The following CFAP47 variants were observed in gnomAD, a reference collection of about 807,000 sequenced individuals.
CFAP47 encodes the protein cilia and flagella associated protein 47, also known as cilia- and flagella-associated protein 47.
A neutral mutation model predicts 148.1 loss-of-function variants in CFAP47; 29 were observed. The ratio of observed to expected loss-of-function variants is 0.20; its 90% CI spans 0.15 to 0.27. The LOEUF is 0.27. CFAP47 is among the 10% of genes least tolerant of loss of function. The probability of loss-of-function intolerance (pLI) is 1.00; values close to 1 mark genes in which losing one functional copy is unlikely to be tolerated. For synonymous variants in CFAP47, 664 were observed against 577.3 expected (o/e 1.15, Z -2.15); for missense variants, 1,872 against 1,697.5 (o/e 1.10, Z -1.81).
chrX:36,110,556 T>C (rs1225908841), intron 33 of CFAP47, among the ~76,000 whole-genome samples: 1 of 112,051 alleles, frequency 8.9e-6, no homozygotes, highest in Non-Finnish European at 1.9e-5. Context: ...CCTCCAGCTT[T>C]GTTCTTTTTG....
chrX:35,964,879 C>A (rs1327234177), intron 8 of CFAP47, among the ~76,000 whole-genome samples: 2 of 111,059 alleles, frequency 1.8e-5, no homozygotes, highest in Non-Finnish European at 3.8e-5. Flanking sequence ...TCCTTTAATT[C>A]TTTTGACCTG....
chrX:36,084,086 T>C (rs1214313623), intron 29 of CFAP47, among the ~76,000 whole-genome samples: 1 of 111,148 alleles, frequency 9.0e-6, no homozygotes, highest in Non-Finnish European at 1.9e-5. Flanking sequence ...CATTGATTTC[T>C]TAATTTTATT....
In CFAP47 at chrX:36,251,324, C is replaced by G. The variant is rs1179616160; in HGVS notation, c.7333-9C>G. The stretch of plus-strand genomic sequence containing the variant: ...TACATAATTCTTGTTTCTGAATTAT[C>G]TCTTATAGGTAACTGCAGATCTTCC... On this transcript the variant is annotated splice_polypyrimidine_tract_variant and intron_variant, in intron 48 of 63. Transcript: ENST00000378653. 8.3e-6 allele frequency: 4 copies of G among 482,658 alleles called. No homozygotes were observed. The highest frequency in any genetic ancestry group is 2.4e-5 in the African/African-American group (1 of 41,613). The allele number at this position is 482,658 out of a possible 1,213,427, so 39.8% of individuals were successfully genotyped here. A position where few individuals can be genotyped will look rare whatever the true frequency, so the allele number is the denominator to read the frequency against.
intron 49 of CFAP47, among the ~76,000 whole-genome samples, chrX:36,276,449 T>C (rs1162690220): frequency 8.9e-6 from 1 of 111,891 alleles, no homozygotes; most frequent in Non-Finnish European, 1.9e-5. Flanking sequence ...GGAGTATAAG[T>C]AATTTGAATC....
chrX:36,122,248 G>C (rs564248317), intron 33 of CFAP47, among the ~76,000 whole-genome samples: 3 of 110,937 alleles, frequency 2.7e-5, no homozygotes, highest in African/African-American at 9.8e-5. Flanking sequence ...TTGATCTTTC[G>C]AAGTTTGATT....
At chrX:36,156,192 G>A (rs73472844) in intron 37 of CFAP47, among the ~76,000 whole-genome samples, 4,861 of 110,143 alleles carry the variant, frequency 0.044, 278 homozygotes, top group African/African-American at 0.15. Flanking sequence ...TTACAAATAC[G>A]ACTCAGAAAA....
At chrX:36,319,787 GGTTTT>G (rs1556011714) in intron 57 of CFAP47, among the ~76,000 whole-genome samples, 1 of 110,580 alleles carries the variant, frequency 9.0e-6, no homozygotes, top group Admixed American at 9.7e-5. Flanking sequence ...GTTGTTGTTT[GGTTTT>G]GTTTTGTTTT....
intron 2 of CFAP47, among the ~76,000 whole-genome samples, chrX:35,936,872 G>A (rs891539968): frequency 2.3e-4 from 25 of 109,263 alleles, no homozygotes; most frequent in Non-Finnish European, 1.9e-4. Context: ...TCTCTTGATA[G>A]AGGAGAAATG....
intron 49 of CFAP47, among the ~76,000 whole-genome samples, chrX:36,267,477 CTTTTT>C (rs1206035626): frequency 1.2e-5 from 1 of 82,099 alleles, no homozygotes. Context: ...GGTTCATGTT[CTTTTT>C]TTTTTTTTTT....
chrX:36,096,972 C>A (rs1938289430), intron 30 of CFAP47, among the ~76,000 whole-genome samples: 1 of 110,806 alleles, frequency 9.0e-6, no homozygotes, highest in African/African-American at 3.3e-5. Flanking sequence ...TTGCTTCTTG[C>A]TTTTTATTTT....
In CFAP47 at chrX:35,919,852, C is replaced by A; in HGVS notation, c.53C>A (p.Ala18Asp). Residue 18 changes from alanine to aspartate, a missense_variant, in exon 1 of 64, where the codon GCC becomes GAC. Physicochemically the swap from Ala to Asp is moderately radical, Grantham distance 126. Transcript: ENST00000378653. The stretch of plus-strand genomic sequence containing the variant: ...ATAAACGTCCACAGAGGTTCCCTCG[C>A]CATGAGCATCCAAAGGGGTTCCCTC... ...LTINVHRGSL[A>D]MSIQRGSLVP... is the part of the protein sequence containing the mutation. The A allele has an allele frequency of 1.7e-6, 2 of 1,209,066 alleles. No homozygotes were observed. Among genetic ancestry groups the A allele is most frequent in the Non-Finnish European group, 2.2e-6 (2 of 894,250 alleles).
chrX:36,088,202 G>T (rs1390128316), intron 30 of CFAP47, among the ~76,000 whole-genome samples: 2 of 111,271 alleles, frequency 1.8e-5, no homozygotes, highest in African/African-American at 6.5e-5. Context: ...TTTGTGGAGG[G>T]GTGTAATGTA....
intron 24 of CFAP47, among the ~76,000 whole-genome samples, chrX:36,038,508 C>G (rs1266308424): frequency 1.8e-5 from 2 of 111,502 alleles, no homozygotes; most frequent in African/African-American, 3.3e-5. Flanking sequence ...GCCAGTCAAC[C>G]CTGGTAGTAT....
chrX:35,961,141 G>T (rs1051202083), intron 8 of CFAP47, among the ~76,000 whole-genome samples: 1 of 111,750 alleles, frequency 8.9e-6, no homozygotes, highest in African/African-American at 3.2e-5. Context: ...TATTAAGAGT[G>T]TGCATTACAT....
chrX:36,012,585 G>A (rs1235843337), intron 21 of CFAP47, among the ~76,000 whole-genome samples: 2 of 111,441 alleles, frequency 1.8e-5, no homozygotes, highest in Admixed American at 9.5e-5. Flanking sequence ...AGCACCACAT[G>A]TTCTCACTCA....
At position 36,085,640 on chromosome X, in the gene CFAP47, A is replaced by AACACAC. The variant is rs200423976; in HGVS notation, c.4916+124_4916+129dup. On this transcript the variant is annotated intron_variant, in intron 30 of 63. Coordinates refer to ENST00000378653, the MANE Select transcript of CFAP47 (RefSeq NM_001304548.2). ...TTGATATTATTTTCCTTTCTAACCA[A>AACACAC]ACACACACACACACACACACACACA... 478 of 329,592 alleles carry AACACAC rather than the reference A, an allele frequency of 1.5e-3. 2 individuals carry two copies. Among genetic ancestry groups the AACACAC allele is most frequent in the African/African-American group, 0.013 (429 of 33,197 alleles). 27.2% of individuals were successfully genotyped at this position (329,592 alleles called of 1,213,427 possible).
chrX:35,927,103 C>T (rs1935753177), intron 2 of CFAP47, among the ~76,000 whole-genome samples: 1 of 108,093 alleles, frequency 9.3e-6, no homozygotes, highest in African/African-American at 3.4e-5. Flanking sequence ...TACAGCGAGC[C>T]GAGATCACGC....
intron 49 of CFAP47, among the ~76,000 whole-genome samples, chrX:36,257,064 G>A (rs782160004): frequency 8.9e-6 from 1 of 112,417 alleles, no homozygotes; most frequent in East Asian, 2.8e-4. Context: ...TAAAGCCTTA[G>A]TATAGGACTT....
At chrX:35,920,107 T>G (rs1935554643) in intron 1 of CFAP47, 59 bp downstream of exon 1, 1 of 1,114,407 alleles carries the variant, frequency 9.0e-7, no homozygotes, top group South Asian at 2.4e-5. Context: ...TCACACTGCG[T>G]CTCTCTTTGC....
Sources: gnomAD v4.1 joint callset for allele counts (sites outside exome capture counted in the v4.1 genomes callset) on GRCh38, gnomAD v4.1.1 for gene constraint, MANE v1.5 for transcripts, NCBI Gene and HGNC (gene_info 2026-07-23, HGNC 2026-07-21) for gene names.